Variants in FAM83B observed in about 807,000 individuals in gnomAD.
The protein encoded by FAM83B is protein FAM83B.
A neutral mutation model predicts 38.8 loss-of-function variants in FAM83B; 26 were observed. The observed-to-expected ratio is 0.67, with a 90% confidence interval of 0.49 to 0.93. The LOEUF is 0.93. Among genes scored for constraint, FAM83B ranks in the 40% least tolerant of loss-of-function variants. The pLI, the probability that FAM83B is intolerant of heterozygous loss-of-function variation, is 0.00. For missense variants in FAM83B, 1,237 were observed against 1,197.3 expected, an observed-to-expected ratio of 1.03 and a Z score of -0.49; for synonymous variants, 419 against 423.1, an observed-to-expected ratio of 0.99 and a Z score of 0.12.
At chr6:54,849,294 G>A (rs1416561312) in intron 1 of FAM83B, among the ~76,000 whole-genome samples, 3 of 152,214 alleles carry the variant, frequency 2.0e-5, no homozygotes, top group Non-Finnish European at 2.9e-5. Flanking sequence ...CAATGGGCAT[G>A]GGCACTGTCT....
At chr6:54,887,439 T>C (rs1360743882) in intron 2 of FAM83B, among the ~76,000 whole-genome samples, 1 of 152,212 alleles carries the variant, frequency 6.6e-6, no homozygotes, top group Non-Finnish European at 1.5e-5. Flanking sequence ...GACTCTATTA[T>C]ATATTCAATA....
intron 2 of FAM83B, 63 bp from the exon 3 acceptor site, chr6:54,926,308 G>C: frequency 9.0e-7 from 1 of 1,107,506 alleles, no homozygotes; most frequent in Admixed American, 2.3e-5. Context: ...CTGAAAGTAA[G>C]CAATTTCTTA....
At position 54,943,556 on chromosome 6, in the gene FAM83B, T is replaced by C. The variant is rs1773748774; in HGVS notation, c.*1549T>C. ...AAATTTTAATATTGTCTCATTAAAA[T>C]AATTTAAATAATGGTATAAAATATC... On this transcript the variant is annotated 3_prime_UTR_variant, in exon 5 of 5. Coordinates refer to ENST00000306858, the MANE Select transcript of FAM83B (RefSeq NM_001010872.3). 6.6e-6 allele frequency: 1 copy of C among 152,170 alleles called. No homozygotes were observed. Among genetic ancestry groups the C allele is most frequent in the African/African-American group, 2.4e-5 (1 of 41,448 alleles). 9.4% of individuals were successfully genotyped at this position (152,170 alleles called of 1,614,324 possible).
intron 2 of FAM83B, among the ~76,000 whole-genome samples, chr6:54,921,048 T>A (rs577140918): frequency 1.3e-5 from 2 of 152,078 alleles, no homozygotes; most frequent in African/African-American, 4.8e-5. Flanking sequence ...GTTAGAATAT[T>A]ACCCTCATCT....
chr6:54,870,351 G>T lies in FAM83B; in HGVS notation c.105G>T (p.Leu35=). ...KEWYRVAIDI[L]IEHGLEAYQE... ...GGTATCGAGTAGCCATTGATATTCT[G>T]ATTGAACACGGGTTAGAAGCATACC... The change falls in exon 2 of 5, where the codon CTG becomes CTT. Residue 35 remains leucine (L), a synonymous_variant. Coordinates refer to ENST00000306858, the MANE Select transcript of FAM83B (RefSeq NM_001010872.3). The T allele has an allele frequency of 6.2e-7, 1 of 1,614,020 alleles. No homozygotes were observed. Among genetic ancestry groups the T allele is most frequent in the Non-Finnish European group, 8.5e-7 (1 of 1,179,930 alleles).
chr6:54,930,904 G>T (rs1471865604), intron 4 of FAM83B, among the ~76,000 whole-genome samples: 1 of 152,002 alleles, frequency 6.6e-6, no homozygotes, highest in African/African-American at 2.4e-5. Context: ...AGTCAGAGGA[G>T]ATATTTTTGC....
chr6:54,888,257 T>A (rs1772325633), intron 2 of FAM83B, among the ~76,000 whole-genome samples: 2 of 146,198 alleles, frequency 1.4e-5, no homozygotes, highest in South Asian at 4.2e-4. Flanking sequence ...ATATGTTTTA[T>A]TTCCAAAATA....
intron 2 of FAM83B, among the ~76,000 whole-genome samples, chr6:54,908,255 T>A (rs773171141): frequency 6.6e-6 from 1 of 152,228 alleles, no homozygotes; most frequent in East Asian, 1.9e-4. Flanking sequence ...TATTCCCTTA[T>A]GTTTTTTCTT....
At chr6:54,883,884 T>C (rs1329213223) in intron 2 of FAM83B, among the ~76,000 whole-genome samples, 1 of 152,006 alleles carries the variant, frequency 6.6e-6, no homozygotes, top group African/African-American at 2.4e-5. Context: ...AAAGAAATAC[T>C]TGCAGCTGAG....
intron 4 of FAM83B, among the ~76,000 whole-genome samples, chr6:54,928,078 C>T (rs1773345250): frequency 6.6e-6 from 1 of 152,146 alleles, no homozygotes; most frequent in South Asian, 2.1e-4. Context: ...ACTGGCAACC[C>T]AGTCCAGGTG....
intron 1 of FAM83B, among the ~76,000 whole-genome samples, chr6:54,867,326 A>G (rs1017218367): frequency 3.9e-5 from 6 of 152,070 alleles, no homozygotes; most frequent in African/African-American, 1.4e-4. Flanking sequence ...TCACTATGCA[A>G]GTGCCATTAC....
At chr6:54,883,004 C>T (rs912624077) in intron 2 of FAM83B, among the ~76,000 whole-genome samples, 11 of 152,058 alleles carry the variant, frequency 7.2e-5, no homozygotes, top group African/African-American at 1.9e-4. Context: ...AGTGCAGTGG[C>T]GCGATCTCAG....
chr6:54,891,597 G>A (rs1772404146), intron 2 of FAM83B, among the ~76,000 whole-genome samples: 1 of 152,122 alleles, frequency 6.6e-6, no homozygotes, highest in Non-Finnish European at 1.5e-5. Flanking sequence ...TGGTGGTCCA[G>A]CATATTTACC....
rs770234600 is a variant in FAM83B at position 54,870,261 on chromosome 6, A to G, written c.15A>G (p.Ser5=). Residue 5 remains serine, a synonymous_variant, in exon 2 of 5, where the codon TCA becomes TCG. Coordinates refer to ENST00000306858, the MANE Select transcript of FAM83B (RefSeq NM_001010872.3). METS[S]MLSSLNDECK... Reference sequence around the variant, plus strand: ...CACTTGCAAGCATGGAGACCTCATCAATGCTTTCCTCATTGAATGATGAGT... The same window carrying G: ...CACTTGCAAGCATGGAGACCTCATCGATGCTTTCCTCATTGAATGATGAGT... 6.2e-7 allele frequency: 1 copy of G among 1,612,916 alleles called. No homozygotes were observed. Among genetic ancestry groups the G allele is most frequent in the Non-Finnish European group, 8.5e-7 (1 of 1,179,000 alleles).
At chr6:54,875,588 A>G (rs989766270) in intron 2 of FAM83B, among the ~76,000 whole-genome samples, 1 of 152,116 alleles carries the variant, frequency 6.6e-6, no homozygotes, top group African/African-American at 2.4e-5. Flanking sequence ...GTTAATATAT[A>G]TTTATGTTTG....
At chr6:54,912,148 T>C (rs1772925245) in intron 2 of FAM83B, among the ~76,000 whole-genome samples, 1 of 151,994 alleles carries the variant, frequency 6.6e-6, no homozygotes, top group Non-Finnish European at 1.5e-5. Context: ...CAAATAACAT[T>C]TATTTAGAAT....
intron 1 of FAM83B, among the ~76,000 whole-genome samples, chr6:54,869,318 G>A (rs576068115): frequency 2.6e-5 from 4 of 152,190 alleles, no homozygotes; most frequent in East Asian, 1.9e-4. Context: ...CTAGCTACCT[G>A]TCTCTTCTTC....
In FAM83B at chr6:54,941,979, T is replaced by A. The variant is rs1260992129; in HGVS notation, c.3008T>A (p.Phe1003Tyr). The A allele has an allele frequency of 4.4e-6, 7 of 1,604,412 alleles. No homozygotes were observed. In the South Asian group the frequency reaches 7.9e-5, roughly 18 times the overall value. Reference sequence around the variant, plus strand: ...AAGTTTCGAGGATTTATGCAAAAGTTTGGAAACTTTATACACAAAAATAAA... The same window carrying A: ...AAGTTTCGAGGATTTATGCAAAAGTATGGAAACTTTATACACAAAAATAAA... The part of the protein sequence containing the change: ...ENKFRGFMQK[F>Y]GNFIHKNK Residue 1003 changes from phenylalanine (F) to tyrosine (Y), a missense_variant, in exon 5 of 5, where the codon TTT becomes TAT. Phe to Tyr is a conservative substitution (Grantham distance 22). Coordinates refer to ENST00000306858, the MANE Select transcript of FAM83B (RefSeq NM_001010872.3).
chr6:54,846,220 T>C (rs966624679), upstream of FAM83B, among the ~76,000 whole-genome samples: 1 of 151,922 alleles, frequency 6.6e-6, no homozygotes, highest in Non-Finnish European at 1.5e-5. Flanking sequence ...TGAGAAGGAG[T>C]CTGCACTGCG....
Sources: allele counts gnomAD v4.1 joint callset (sites outside exome capture counted in the v4.1 genomes callset), GRCh38; gene constraint gnomAD v4.1.1; transcripts MANE v1.5; gene names NCBI Gene and HGNC (gene_info 2026-07-23, HGNC 2026-07-21).